Variants in PLCL1 observed in about 807,000 individuals in gnomAD.
PLCL1 encodes phospholipase C like 1 (inactive), also known as inactive phospholipase C-like protein 1.
PLCL1 carries 41 observed loss-of-function variants against 84.4 expected under a neutral mutation model. That is an observed-to-expected ratio of 0.49 (90% CI 0.38 to 0.63). The LOEUF is 0.63. Among genes scored for constraint, PLCL1 ranks in the 30% least tolerant of loss-of-function variants. The pLI is 0.00. For missense variants in PLCL1, 1,206 were observed against 1,367.8 expected, an observed-to-expected ratio of 0.88 and a Z score of 1.87; for synonymous variants, 490 against 488.3, an observed-to-expected ratio of 1.00 and a Z score of -0.05.
At chr2:197,965,624 A>G (rs948890736) in intron 1 of PLCL1, among the ~76,000 whole-genome samples, 1 of 151,954 alleles carries the variant, frequency 6.6e-6, no homozygotes, top group African/African-American at 2.4e-5. Context: ...AATCTTTAAG[A>G]TACACTATTA....
intron 5 of PLCL1, among the ~76,000 whole-genome samples, chr2:198,133,974 C>T (rs1415916448): frequency 6.6e-6 from 1 of 152,086 alleles, no homozygotes; most frequent in Non-Finnish European, 1.5e-5. Flanking sequence ...AGAATGTCCT[C>T]ATTTTCATGG....
chr2:197,944,211 A>G (rs542506911), intron 1 of PLCL1, among the ~76,000 whole-genome samples: 4 of 147,796 alleles, frequency 2.7e-5, no homozygotes, highest in African/African-American at 7.6e-5. Context: ...ATTCTGCATA[A>G]GTCTTTTTTC....
At chr2:198,109,715 A>G (rs1157162703) in intron 5 of PLCL1, among the ~76,000 whole-genome samples, 1 of 151,860 alleles carries the variant, frequency 6.6e-6, no homozygotes, top group African/African-American at 2.4e-5. Context: ...TTTAAGTACA[A>G]AAAGAACTGC....
intron 3 of PLCL1, among the ~76,000 whole-genome samples, chr2:198,097,099 A>G (rs1273645005): frequency 6.6e-6 from 1 of 152,218 alleles, no homozygotes; most frequent in African/African-American, 2.4e-5. Context: ...TTGCATTTCA[A>G]GAAGTATCTT....
intron 1 of PLCL1, among the ~76,000 whole-genome samples, chr2:197,807,195 A>G (rs1419969067): frequency 1.3e-5 from 2 of 152,222 alleles, no homozygotes; most frequent in Non-Finnish European, 2.9e-5. Flanking sequence ...AGTGTGAAGG[A>G]AAGACCCTCA....
rs778565365 is a variant in PLCL1, at chr2:198,103,858, G to A, written c.3027G>A (p.Leu1009=). The A allele has an allele frequency of 3.1e-6, 5 of 1,605,334 alleles. No individual in the cohort carries two copies. The South Asian group carries it at 5.6e-5, about 18-fold the overall frequency. Reference sequence around the variant, plus strand: ...AGTTCCATGAAGAACTTCATAATTTGGGGGCAAAAGAAGGCTTGAAGGGAA... The same window carrying A: ...AGTTCCATGAAGAACTTCATAATTTAGGGGCAAAAGAAGGCTTGAAGGGAA... ...GMEFHEELHN[L]GAKEGLKGRK... Residue 1009 remains leucine (L), a synonymous_variant, in exon 5 of 6, where the codon TTG becomes TTA. Transcript: ENST00000428675.
chr2:198,035,170 T>G (rs868714767), intron 1 of PLCL1, among the ~76,000 whole-genome samples: 1 of 152,196 alleles, frequency 6.6e-6, no homozygotes, highest in Non-Finnish European at 1.5e-5. Flanking sequence ...AGTTTTCTCA[T>G]TGTTGAAGAA....
chr2:198,019,692 A>G (rs989379079), intron 1 of PLCL1, among the ~76,000 whole-genome samples: 1 of 152,240 alleles, frequency 6.6e-6, no homozygotes, highest in Non-Finnish European at 1.5e-5. Context: ...AGAGAAAGAA[A>G]GAATGAAAAG....
intron 5 of PLCL1, among the ~76,000 whole-genome samples, chr2:198,111,870 G>A (rs1693632244): frequency 1.3e-5 from 2 of 151,746 alleles, no homozygotes; most frequent in Non-Finnish European, 2.9e-5. Flanking sequence ...CCTACCAAGT[G>A]TTTTATATTT....
intron 5 of PLCL1, among the ~76,000 whole-genome samples, chr2:198,137,386 A>G (rs1694278617): frequency 6.6e-6 from 1 of 152,216 alleles, no homozygotes; most frequent in South Asian, 2.1e-4. Context: ...CTGTCACTAA[A>G]TGACACTTTA....
chr2:197,936,349 T>C (rs1352275590), intron 1 of PLCL1, among the ~76,000 whole-genome samples: 1 of 152,224 alleles, frequency 6.6e-6, no homozygotes, highest in Admixed American at 6.5e-5. Context: ...TTGTTTTCCA[T>C]AGTGGCTATA....
At chr2:197,856,857 CTGT>C (rs1421526698) in intron 1 of PLCL1, among the ~76,000 whole-genome samples, 1 of 152,092 alleles carries the variant, frequency 6.6e-6, no homozygotes, top group Non-Finnish European at 1.5e-5. Flanking sequence ...TACCTTTATT[CTGT>C]TGTTTAAAAC....
chr2:198,071,946 C>A (rs545758077), intron 1 of PLCL1, among the ~76,000 whole-genome samples: 1 of 151,724 alleles, frequency 6.6e-6, no homozygotes, highest in Non-Finnish European at 1.5e-5. Flanking sequence ...ATACTCAATT[C>A]GTTAACACTA....
intron 1 of PLCL1, among the ~76,000 whole-genome samples, chr2:198,057,612 G>A (rs1692099215): frequency 6.6e-6 from 1 of 152,110 alleles, no homozygotes; most frequent in Non-Finnish European, 1.5e-5. Context: ...GTACTTTTCT[G>A]TATATATGCT....
chr2:197,918,544 A>T (rs1688639223), intron 1 of PLCL1, among the ~76,000 whole-genome samples: 1 of 152,194 alleles, frequency 6.6e-6, no homozygotes, highest in African/African-American at 2.4e-5. Context: ...TACTATTTTC[A>T]TTATTTTTCT....
intron 1 of PLCL1, among the ~76,000 whole-genome samples, chr2:197,966,986 T>A (rs542601810): frequency 7.3e-5 from 11 of 151,406 alleles, no homozygotes; most frequent in South Asian, 4.2e-4. Flanking sequence ...TAATTTTTTT[T>A]AAATCTGCCT....
Position 197,959,439 on chromosome 2 carries a change from T to A in PLCL1, c.241-124319T>A, listed in dbSNP as rs1001392896. ...CCAAATTTGCAGACTTAAATGTGAA[T>A]CCCATCCAAAAAATATTCACCAAGT... is the stretch of plus-strand genomic sequence containing the variant. On this transcript the variant is annotated intron_variant, in intron 1 of 5. Transcript: ENST00000428675. Among the ~76,000 whole-genome samples the A allele has an allele frequency of 3.9e-5, 6 of 152,120 alleles. 1 individual carries two copies. In the Middle Eastern group the frequency reaches 0.01, roughly 259 times the overall value.
intron 1 of PLCL1, among the ~76,000 whole-genome samples, chr2:197,816,552 A>G (rs1690693028): frequency 1.3e-5 from 2 of 152,174 alleles, no homozygotes; most frequent in South Asian, 2.1e-4. Flanking sequence ...TTTACCATGA[A>G]GCAAGAGTTT....
At chr2:197,818,294 C>A (rs539629832) in intron 1 of PLCL1, among the ~76,000 whole-genome samples, 5 of 152,084 alleles carry the variant, frequency 3.3e-5, no homozygotes, top group African/African-American at 1.2e-4. Flanking sequence ...CAACCATGAC[C>A]GTCCCTTCCT....
Sources: gnomAD v4.1 joint callset for allele counts (sites outside exome capture counted in the v4.1 genomes callset) on GRCh38, gnomAD v4.1.1 for gene constraint, MANE v1.5 for transcripts, NCBI Gene and HGNC (gene_info 2026-07-23, HGNC 2026-07-21) for gene names.